The following SLC45A2 variants were observed in gnomAD, a reference collection of about 807,000 sequenced individuals.
SLC45A2 encodes membrane-associated transporter protein.
Under a neutral mutation model 45.5 loss-of-function variants are expected in SLC45A2, and 36 were observed. The observed-to-expected ratio is 0.79, with a 90% confidence interval of 0.61 to 1.04. SLC45A2 has a LOEUF of 1.04. Among genes scored for constraint, SLC45A2 ranks in the 50% least tolerant of loss-of-function variants. The pLI, the probability that SLC45A2 is intolerant of heterozygous loss-of-function variation, is 0.00. For synonymous variants in SLC45A2, 306 were observed against 269.3 expected, an observed-to-expected ratio of 1.14 and a Z score of -1.33; for missense variants, 719 against 671.0, an observed-to-expected ratio of 1.07 and a Z score of -0.79.
intron 5 of SLC45A2, among the ~76,000 whole-genome samples, chr5:33,950,314 CTATTT>C (rs751562127): frequency 1.3e-5 from 2 of 152,170 alleles, no homozygotes; most frequent in Non-Finnish European, 2.9e-5. Flanking sequence ...TTCTTTTATT[CTATTT>C]TAAGTGCTTG....
At chr5:33,975,395 C>T (rs756058291) in intron 2 of SLC45A2, among the ~76,000 whole-genome samples, 8 of 152,008 alleles carry the variant, frequency 5.3e-5, no homozygotes, top group Admixed American at 2.6e-4. Flanking sequence ...GGAGAGTTTA[C>T]GAATCTTGCA....
intron 2 of SLC45A2, chr5:33,972,176 G>T: frequency 1.9e-6 from 1 of 522,104 alleles, no homozygotes; most frequent in South Asian, 1.4e-5. Flanking sequence ...GGATGAATTA[G>T]ATGCTATTGA....
intron 2 of SLC45A2, among the ~76,000 whole-genome samples, chr5:33,965,245 G>A (rs904656848): frequency 1.3e-5 from 2 of 152,116 alleles, no homozygotes; most frequent in African/African-American, 4.8e-5. Context: ...AGAACTAAAG[G>A]AGTTCCTCTC....
At chr5:33,982,195 T>A (rs1387498795) in intron 2 of SLC45A2, 41 bp downstream of exon 2, 2 of 1,611,064 alleles carry the variant, frequency 1.2e-6, no homozygotes, top group African/African-American at 2.7e-5. Context: ...TGCCTCATTG[T>A]CTGGGGAGCT....
rs1467152386 is a variant in SLC45A2 at position 33,971,913 on chromosome 5, T to C, written c.563-7897A>G. 3 of 369,034 alleles carry C rather than the reference T, an allele frequency of 8.1e-6. No individual in the cohort carries two copies. The Admixed American group carries it at 9.7e-5, about 12-fold the overall frequency. The allele number at this position is 369,034 out of a possible 1,614,324, so 22.9% of individuals were successfully genotyped here. ...AAGTACTGGGATTACAGGTGAGAGC[T>C]ACCACACCCAGTTACCCAGCTAATT... On this transcript the variant is annotated intron_variant, in intron 2 of 6. Transcript: ENST00000296589.
intron 2 of SLC45A2, among the ~76,000 whole-genome samples, chr5:33,969,065 C>CTCTCTCTCTCTCTCTCTCTCTG: frequency 0.021 from 2,108 of 102,338 alleles, 63 homozygotes; most frequent in Middle Eastern, 0.053. Flanking sequence ...CTCTCTCTCT[C>CTCTCTCTCTCTCTCTCTCTCTG]TGTGTGTGTG....
intron 3 of SLC45A2, among the ~76,000 whole-genome samples, chr5:33,954,806 G>T (rs1392386909): frequency 6.6e-6 from 1 of 152,154 alleles, no homozygotes. Flanking sequence ...ATGTCTGAAT[G>T]ACAGAACTGT....
At chr5:33,968,742 T>C (rs1752680922) in intron 2 of SLC45A2, among the ~76,000 whole-genome samples, 1 of 152,166 alleles carries the variant, frequency 6.6e-6, no homozygotes, top group Non-Finnish European at 1.5e-5. Flanking sequence ...TAAATCAAAC[T>C]CTGCACCTAC....
At chr5:33,980,048 G>A (rs1308913108) in intron 2 of SLC45A2, among the ~76,000 whole-genome samples, 1 of 152,026 alleles carries the variant, frequency 6.6e-6, no homozygotes, top group African/African-American at 2.4e-5. Context: ...TCTTAATATC[G>A]AGTTCAAAAG....
chr5:33,954,588 T>G (rs767393975), intron 3 of SLC45A2, 84 bp from the exon 4 acceptor site: 45 of 1,578,488 alleles, frequency 2.9e-5, no homozygotes, highest in Non-Finnish European at 3.9e-5. Flanking sequence ...AGACATGTTA[T>G]GTATTTGTCA....
intron 6 of SLC45A2, among the ~76,000 whole-genome samples, chr5:33,945,365 AG>A (rs1751887596): frequency 6.6e-6 from 1 of 152,390 alleles, no homozygotes; most frequent in East Asian, 1.9e-4. Flanking sequence ...AAAGATTTTA[AG>A]AAGGATGTTG....
At chr5:33,948,631 T>C (rs539938690) in intron 5 of SLC45A2, among the ~76,000 whole-genome samples, 4 of 152,244 alleles carry the variant, frequency 2.6e-5, no homozygotes, top group Non-Finnish European at 5.9e-5. Flanking sequence ...GCTTCCTCTA[T>C]TAAACTTATA....
At position 33,984,135 on chromosome 5, in the gene SLC45A2, C is replaced by T. The variant is rs557492546; in HGVS notation, c.385+64G>A. 3.7e-6 allele frequency: 6 copies of T among 1,604,082 alleles called. No individual in the cohort carries two copies. In the African/African-American group the frequency reaches 8.0e-5, roughly 21 times the overall value. ...GAAAGGTCAAACACATGAACATCCT[C>T]CTCCTGCAGAGGTACACACTAAGAC... is the stretch of plus-strand genomic sequence containing the variant. On this transcript the variant is annotated intron_variant, in intron 1 of 6. Transcript: ENST00000296589.
chr5:33,946,538 A>T (rs1751932097), intron 6 of SLC45A2: 1 of 987,306 alleles, frequency 1.0e-6, no homozygotes, highest in East Asian at 1.1e-4. Context: ...TGTTATAAGC[A>T]CTGCATAGGC....
chr5:33,950,075 T>C (rs41304876), intron 5 of SLC45A2, among the ~76,000 whole-genome samples: 1 of 152,044 alleles, frequency 6.6e-6, no homozygotes, highest in African/African-American at 2.4e-5. Flanking sequence ...CATGTGCTTG[T>C]GGTCCCGGGT....
At chr5:33,981,185 G>A (rs1423308017) in intron 2 of SLC45A2, among the ~76,000 whole-genome samples, 1 of 152,194 alleles carries the variant, frequency 6.6e-6, no homozygotes, top group Non-Finnish European at 1.5e-5. Context: ...CTGCACTCCT[G>A]CCCCTCTGCC....
chr5:33,984,679 G>C lies in SLC45A2; in HGVS notation c.-96C>G. ...TGGATTTGACGTGGAGCCTGGCCGA[G>C]CAACCAACAGAGATGGTCAGGCTGG... On this transcript the variant is annotated 5_prime_UTR_variant, in exon 1 of 7. Transcript: ENST00000296589. 6.5e-7 allele frequency: 1 copy of C among 1,538,708 alleles called. No homozygotes were observed. Among genetic ancestry groups the C allele is most frequent in the South Asian group, 1.1e-5 (1 of 88,618 alleles).
At chr5:33,948,513 C>T (rs1385096256) in intron 5 of SLC45A2, among the ~76,000 whole-genome samples, 1 of 152,120 alleles carries the variant, frequency 6.6e-6, no homozygotes, top group Non-Finnish European at 1.5e-5. Flanking sequence ...TGGACTTACA[C>T]CTTGTAGACA....
chr5:33,983,345 G>A (rs1753136849), intron 1 of SLC45A2, among the ~76,000 whole-genome samples: 1 of 151,924 alleles, frequency 6.6e-6, no homozygotes, highest in Non-Finnish European at 1.5e-5. Context: ...AAAAATTGCA[G>A]TATAAAATTA....
Sources: gnomAD v4.1 joint callset for allele counts (sites outside exome capture counted in the v4.1 genomes callset) on GRCh38, gnomAD v4.1.1 for gene constraint, MANE v1.5 for transcripts, NCBI Gene and HGNC (gene_info 2026-07-23, HGNC 2026-07-21) for gene names.